The following NSUN7 variants were observed in gnomAD, a reference collection of about 807,000 sequenced individuals.
NSUN7 encodes the protein protein NSUN7.
Under a neutral mutation model 58.5 loss-of-function variants are expected in NSUN7, and 39 were observed. The observed-to-expected ratio is 0.67, with a 90% CI of 0.52 to 0.87. The LOEUF is 0.87. Among genes scored for constraint, NSUN7 ranks in the 40% least tolerant of loss-of-function variants. NSUN7 has a pLI of 0.00. For missense variants in NSUN7, 765 were observed against 844.1 expected, an observed-to-expected ratio of 0.91 and a Z score of 1.16; for synonymous variants, 278 against 303.7, an observed-to-expected ratio of 0.92 and a Z score of 0.88.
intron 4 of NSUN7, among the ~76,000 whole-genome samples, chr4:40,770,284 G>A (rs2437351): frequency 0.78 from 117,940 of 151,342 alleles, 46,196 homozygotes; most frequent in Admixed American, 0.83. Flanking sequence ...GAAATGTGTC[G>A]TTAGGTGATT....
intron 4 of NSUN7, among the ~76,000 whole-genome samples, chr4:40,770,134 C>T (rs1172157247): frequency 1.3e-5 from 2 of 150,138 alleles, no homozygotes; most frequent in Admixed American, 6.7e-5. Context: ...CACTTGAACC[C>T]GGGAGGCGGA....
rs1744040835 is a variant in NSUN7, at chr4:40,809,171, CAGTT to C, written c.*235_*238del. 1 of 434,308 alleles carries C rather than the reference CAGTT, an allele frequency of 2.3e-6. No homozygotes were observed. Among genetic ancestry groups the C allele is most frequent in the Non-Finnish European group, 4.1e-6 (1 of 245,880 alleles). The allele number at this position is 434,308 out of a possible 1,614,324, so 26.9% of individuals were successfully genotyped here. On this transcript the variant is annotated 3_prime_UTR_variant, in exon 12 of 12. Transcript: ENST00000381782. ...CAATCACTGCTGCTCTGAGAGGATC[CAGTT>C]AGAGACTCAGTATCAGCGGTCAGAA...
chr4:40,783,724 G>T (rs150688412), intron 7 of NSUN7, among the ~76,000 whole-genome samples: 2,543 of 151,912 alleles, frequency 0.017, 71 homozygotes, highest in African/African-American at 0.059. Context: ...GGTGCACACT[G>T]GTAATCCCAG....
Position 40,776,253 on chromosome 4 carries a change from T to A in NSUN7, c.1030T>A (p.Cys344Ser), listed in dbSNP as rs1742262451. Reference protein sequence around the residue: ...DLKTLFTKIGCKNIEILHEKF... With the variant: ...DLKTLFTKIGSKNIEILHEKF... Reference sequence around the variant, plus strand: ...GAAGACCCTTTTCACAAAAATAGGATGTAAAAGTATGTAAAAATATTTCTT... The same window carrying A: ...GAAGACCCTTTTCACAAAAATAGGAAGTAAAAGTATGTAAAAATATTTCTT... The change falls in exon 7 of 12, where the codon TGT (cysteine) becomes AGT (serine). Residue 344 changes from cysteine to serine, a missense_variant. Cys to Ser is a moderately radical substitution (Grantham distance 112). Coordinates refer to ENST00000381782, the MANE Select transcript of NSUN7 (RefSeq NM_024677.6). 1 of 1,562,026 alleles carries A rather than the reference T, an allele frequency of 6.4e-7. No individual in the cohort carries two copies. The highest frequency in any genetic ancestry group is 8.7e-7 in the Non-Finnish European group (1 of 1,152,102).
In NSUN7 at chr4:40,761,207, T is replaced by A; in HGVS notation, c.394T>A (p.Tyr132Asn). 1 of 1,585,692 alleles carries A rather than the reference T, an allele frequency of 6.3e-7. No individual in the cohort carries two copies. Among genetic ancestry groups the A allele is most frequent in the South Asian group, 1.2e-5 (1 of 85,990 alleles). ...GAGCAGTCTTATTATTGTGATGCTA[T>A]ATGATTTCCAAGATAGAAAATTTCA... ...HLSSLIIVML[Y>N]DFQDRKFQTR... The change falls in exon 4 of 12, where the codon TAT becomes AAT. Residue 132 changes from tyrosine (Y) to asparagine (N), a missense_variant. Tyr to Asn is a moderately radical substitution (Grantham distance 143). Transcript: ENST00000381782.
At chr4:40,797,143 T>C (rs1743355981) in intron 9 of NSUN7, among the ~76,000 whole-genome samples, 1 of 152,122 alleles carries the variant, frequency 6.6e-6, no homozygotes, top group South Asian at 2.1e-4. Flanking sequence ...TTCCAGGCCT[T>C]CTCTCTGGCC....
intron 8 of NSUN7, among the ~76,000 whole-genome samples, chr4:40,791,002 A>T (rs963602178): frequency 6.6e-6 from 1 of 152,184 alleles, no homozygotes; most frequent in Admixed American, 6.5e-5. Flanking sequence ...GCTGGCCAGT[A>T]TGCTATTCTG....
chr4:40,784,879 T>C (rs1742735245), intron 7 of NSUN7, among the ~76,000 whole-genome samples: 1 of 152,154 alleles, frequency 6.6e-6, no homozygotes, highest in Non-Finnish European at 1.5e-5. Context: ...AGTAAGGATA[T>C]AGAAGATGGA....
At chr4:40,789,978 G>A (rs1436606627) in intron 7 of NSUN7, among the ~76,000 whole-genome samples, 1 of 151,720 alleles carries the variant, frequency 6.6e-6, no homozygotes, top group Non-Finnish European at 1.5e-5. Context: ...GATCCTTAAA[G>A]GTATGATTGA....
intron 4 of NSUN7, among the ~76,000 whole-genome samples, chr4:40,764,655 A>G (rs1741627162): frequency 6.6e-6 from 1 of 152,228 alleles, no homozygotes; most frequent in African/African-American, 2.4e-5. Context: ...GAATCACCAC[A>G]CTGACTTCTA....
In NSUN7 at chr4:40,793,311, G is replaced by C. The variant is rs549906748; in HGVS notation, c.1181-1064G>C. On this transcript the variant is annotated intron_variant, in intron 8 of 11. Coordinates refer to ENST00000381782, the MANE Select transcript of NSUN7 (RefSeq NM_024677.6). ...ACAAAAATTAGCCGGGCATCATGGT[G>C]AACACCTGTAGTCCCAGCTATTCAG... 6.6e-5 allele frequency among the ~76,000 whole-genome samples: 10 copies of C among 152,156 alleles called. No homozygotes were observed. The East Asian group carries it at 1.2e-3, about 18-fold the overall frequency.
intron 10 of NSUN7, 24 bp downstream of exon 10, chr4:40,798,928 A>C (rs1201201478): frequency 9.0e-7 from 1 of 1,107,422 alleles, no homozygotes; most frequent in Non-Finnish European, 1.3e-6. Flanking sequence ...GGATTCTTCT[A>C]AACAACTCAA....
At chr4:40,791,356 G>C (rs549684974) in intron 8 of NSUN7, among the ~76,000 whole-genome samples, 4 of 152,254 alleles carry the variant, frequency 2.6e-5, no homozygotes, top group South Asian at 2.1e-4. Context: ...TGAGCACTTA[G>C]ATGTAAGGCC....
chr4:40,798,703 T>G (rs1219167244), intron 9 of NSUN7, 84 bp from the exon 10 acceptor site: 2 of 723,620 alleles, frequency 2.8e-6, no homozygotes, highest in Admixed American at 2.4e-5. Flanking sequence ...GGTATTAGTA[T>G]CAAATAGATG....
intron 7 of NSUN7, among the ~76,000 whole-genome samples, chr4:40,785,018 G>A (rs1479097910): frequency 5.3e-5 from 8 of 152,218 alleles, no homozygotes; most frequent in African/African-American, 1.9e-4. Context: ...GACTTTCAAA[G>A]GACTGAAATC....
intron 8 of NSUN7, among the ~76,000 whole-genome samples, chr4:40,792,621 GGCGC>G (rs1743132636): frequency 6.6e-6 from 1 of 152,102 alleles, no homozygotes; most frequent in African/African-American, 2.4e-5. Context: ...CGAGGTGGCG[GGCGC>G]CTGTAGTCCC....
At chr4:40,783,275 T>C (rs1486052173) in intron 7 of NSUN7, among the ~76,000 whole-genome samples, 1 of 152,216 alleles carries the variant, frequency 6.6e-6, no homozygotes, top group Non-Finnish European at 1.5e-5. Context: ...ATGAATAGTC[T>C]TTTCAACAAA....
At chr4:40,793,796 A>G (rs1743202893) in intron 8 of NSUN7, among the ~76,000 whole-genome samples, 1 of 152,380 alleles carries the variant, frequency 6.6e-6, no homozygotes, top group South Asian at 2.1e-4. Flanking sequence ...AATAATCTAC[A>G]TAAAGTAGCA....
chr4:40,807,555 G>A (rs1283291088), intron 11 of NSUN7, among the ~76,000 whole-genome samples: 1 of 151,784 alleles, frequency 6.6e-6, no homozygotes, highest in Non-Finnish European at 1.5e-5. Context: ...TCACCATCTT[G>A]GCCAGGCTGG....
Sources: gnomAD v4.1 joint callset for allele counts (sites outside exome capture counted in the v4.1 genomes callset) on GRCh38, gnomAD v4.1.1 for gene constraint, MANE v1.5 for transcripts, NCBI Gene and HGNC (gene_info 2026-07-23, HGNC 2026-07-21) for gene names.